Variants in SLC23A1 observed in about 807,000 individuals in gnomAD.
SLC23A1 encodes the protein Na(+)/L-ascorbic acid transporter 1.
Under a neutral mutation model 62.5 loss-of-function variants are expected in SLC23A1, and 31 were observed. The ratio of observed to expected loss-of-function variants is 0.50; its 90% confidence interval spans 0.37 to 0.67. The LOEUF (loss-of-function observed/expected upper bound fraction) is 0.67, where lower values mean the gene tolerates loss of function less well. SLC23A1 is among the 30% of genes least tolerant of loss of function. The pLI, the probability that SLC23A1 is intolerant of heterozygous loss-of-function variation, is 0.00. For missense variants in SLC23A1, 640 were observed against 782.7 expected (o/e 0.82, Z 2.18); for synonymous variants, 271 against 313.2 (o/e 0.87, Z 1.42).
rs566156627 is a variant in SLC23A1 at position 139,378,509 on chromosome 5, G to A, written c.1179+70C>T. The A allele has an allele frequency of 6.9e-6, 10 of 1,449,628 alleles. No individual in the cohort carries two copies. The highest frequency in any genetic ancestry group is 9.5e-6 in the Non-Finnish European group (10 of 1,056,468). 89.8% of individuals were successfully genotyped at this position (1,449,628 alleles called of 1,614,324 possible). On this transcript the variant is annotated intron_variant, in intron 10 of 14. Transcript: ENST00000348729. The surrounding 1 kb of genome is among the most constrained non-coding windows in gnomAD (Gnocchi z 4.5). ...ACAGGGTGGGGCTAAACCAAAGTGG[G>A]GACCGAGTTGGGGCGGGGCCTGCGG...
chr5:139,371,599 A>C (rs1014417211), intron 14 of SLC23A1, among the ~76,000 whole-genome samples: 2 of 152,220 alleles, frequency 1.3e-5, no homozygotes, highest in African/African-American at 4.8e-5. Context: ...GCATTTCTCA[A>C]CATTTTCCAT....
chr5:139,368,807 G>T, intron 14 of SLC23A1: 42 of 1,602,388 alleles, frequency 2.6e-5, no homozygotes, highest in Non-Finnish European at 3.5e-5. Flanking sequence ...GAGTAGACGG[G>T]GCCCTCTTTT....
intron 2 of SLC23A1, 57 bp from the exon 3 acceptor site, chr5:139,382,106 G>A (rs994226588): frequency 6.5e-7 from 1 of 1,533,922 alleles, no homozygotes. Flanking sequence ...TCCAGGGAGA[G>A]GGGACAACCT....
intron 2 of SLC23A1, 84 bp downstream of exon 2, chr5:139,382,408 C>A: frequency 2.6e-6 from 2 of 761,654 alleles, no homozygotes; most frequent in East Asian, 2.6e-5. Context: ...TCCTGTTACC[C>A]AAGATACTCC....
At chr5:139,375,107 T>C (rs1581359307) in intron 13 of SLC23A1, among the ~76,000 whole-genome samples, 1 of 152,190 alleles carries the variant, frequency 6.6e-6, no homozygotes, top group East Asian at 1.9e-4. Context: ...CTATGTTATG[T>C]GAACATGAAC....
rs369205849 is a variant in SLC23A1, at chr5:139,378,644, G to A, written c.1114C>T (p.Leu372=). The A allele has an allele frequency of 1.6e-4, 261 of 1,612,178 alleles. 1 individual carries two copies. The highest frequency in any genetic ancestry group is 3.3e-4 in the Admixed American group (20 of 59,742). ...TEGICCIIAG[L]LGTGNGSTSS... ...GTGGACCCGTTGCCCGTGCCCAATAGCCCCGCGATGATGCAGCAAATGCCT... is the reference window on the plus strand; with the variant it reads ...GTGGACCCGTTGCCCGTGCCCAATAACCCCGCGATGATGCAGCAAATGCCT... The change falls in exon 10 of 15, where the codon CTA becomes TTA. Residue 372 remains leucine, a synonymous_variant. Coordinates refer to ENST00000348729, the MANE Select transcript of SLC23A1 (RefSeq NM_005847.5). The surrounding 1 kb of genome is among the most constrained non-coding windows in gnomAD (Gnocchi z 4.5).
rs1758087613 is a variant in SLC23A1, at chr5:139,378,893, C to T, written c.1074-209G>A. 6.6e-6 allele frequency among the ~76,000 whole-genome samples: 1 copy of T among 152,170 alleles called. No individual in the cohort carries two copies. Among genetic ancestry groups the T allele is most frequent in the Non-Finnish European group, 1.5e-5 (1 of 68,024 alleles). On this transcript the variant is annotated intron_variant, in intron 9 of 14. Coordinates refer to ENST00000348729, the MANE Select transcript of SLC23A1 (RefSeq NM_005847.5). This position sits in a 1 kb window ranked among gnomAD's most constrained non-coding sequence, Gnocchi z 4.5. ...TGTGGGTAATTCTGGCCTTCAATTT[C>T]CTCCTGGGATAAATACCGGTGCCCG...
chr5:139,371,497 G>A (rs1171080619), intron 14 of SLC23A1, among the ~76,000 whole-genome samples: 1 of 152,186 alleles, frequency 6.6e-6, no homozygotes, highest in Non-Finnish European at 1.5e-5. Flanking sequence ...CATCGTTTTA[G>A]GATAAAGGCA....
At chr5:139,370,174 G>T (rs1378771822) in intron 14 of SLC23A1, among the ~76,000 whole-genome samples, 1 of 152,096 alleles carries the variant, frequency 6.6e-6, no homozygotes. Context: ...TGGTTGGTTG[G>T]TTGGTTGGTT....
intron 13 of SLC23A1, among the ~76,000 whole-genome samples, chr5:139,374,494 A>C (rs1467512294): frequency 6.6e-6 from 1 of 152,226 alleles, no homozygotes; most frequent in East Asian, 1.9e-4. Context: ...CATCCCCAGC[A>C]GGAAGTTAAG....
intron 12 of SLC23A1, 117 bp from the exon 13 acceptor site, chr5:139,377,614 A>G (rs998578318): frequency 3.0e-6 from 2 of 673,532 alleles, no homozygotes; most frequent in East Asian, 2.7e-5. Flanking sequence ...TCTCAAACCT[A>G]TCTCTGTCTT....
Position 139,381,976 on chromosome 5 carries a change from T to C in SLC23A1, c.224A>G (p.Asp75Gly). 1.2e-6 allele frequency: 2 copies of C among 1,600,448 alleles called. No homozygotes were observed. The highest frequency in any genetic ancestry group is 1.1e-5 in the South Asian group (1 of 88,590). ...GATGAGCTGACTAACCATGTGCTGGTCGTGGCCCACACACAGCGCCTCAGC... is the reference window on the plus strand; with the variant it reads ...GATGAGCTGACTAACCATGTGCTGGCCGTGGCCCACACACAGCGCCTCAGC... ...LLAEALCVGH[D>G]QHMVSQLIGT... Residue 75 changes from aspartate to glycine, a missense_variant, in exon 3 of 15, where the codon GAC becomes GGC. Physicochemically the swap from Asp to Gly is moderately conservative, Grantham distance 94. Transcript: ENST00000348729.
intron 13 of SLC23A1, among the ~76,000 whole-genome samples, chr5:139,374,257 TAAAGAC>T (rs1757833744): frequency 1.3e-5 from 2 of 152,040 alleles, no homozygotes. Flanking sequence ...TCTGGATAGG[TAAAGAC>T]AAAGAGCACC....
At chr5:139,383,524 G>C (rs1018364304), upstream of SLC23A1, among the ~76,000 whole-genome samples, 24 of 152,210 alleles carry the variant, frequency 1.6e-4, no homozygotes, top group Admixed American at 6.5e-4. Flanking sequence ...TCCCAAGAGA[G>C]GGCCAGAGTC....
chr5:139,378,262 G>T lies in SLC23A1; in HGVS notation c.1269C>A (p.Leu423=). The change falls in exon 11 of 15, where the codon CTC becomes CTA. Residue 423 remains leucine (L), a synonymous_variant. Coordinates refer to ENST00000348729, the MANE Select transcript of SLC23A1 (RefSeq NM_005847.5). This position sits in a 1 kb window ranked among gnomAD's most constrained non-coding sequence, Gnocchi z 4.5. ...ACATGCCCCCCAGGATGGGGTCAGG[G>T]AGCGAGGCGAAGAGGGCCGTGAACT... ...IGKFTALFAS[L]PDPILGGMFC... is the part of the protein sequence containing the mutation. 2 of 1,609,920 alleles carry T rather than the reference G, an allele frequency of 1.2e-6. No homozygotes were observed. The highest frequency in any genetic ancestry group is 1.7e-6 in the Non-Finnish European group (2 of 1,178,450).
At chr5:139,382,732 C>T in intron 1 of SLC23A1, 127 bp from the exon 2 acceptor site, 1 of 646,632 alleles carries the variant, frequency 1.5e-6, no homozygotes. Flanking sequence ...CCCGCCCTCC[C>T]CAACAGTCCA....
rs1365013541 is a variant in SLC23A1 at position 139,372,001 on chromosome 5, A to G, written c.*5T>C. The G allele has an allele frequency of 1.2e-6, 2 of 1,612,360 alleles. No homozygotes were observed. The highest frequency in any genetic ancestry group is 1.7e-6 in the Non-Finnish European group (2 of 1,178,876). ...ACACATCCTACCTTTCCTGGAAGTCATTTTTCAGACCTTGGTGCACACAGA... is the reference window on the plus strand; with the variant it reads ...ACACATCCTACCTTTCCTGGAAGTCGTTTTTCAGACCTTGGTGCACACAGA... On this transcript the variant is annotated 3_prime_UTR_variant, in exon 14 of 15. Transcript: ENST00000348729.
At chr5:139,368,402 G>A (rs1374781630) in intron 14 of SLC23A1, among the ~76,000 whole-genome samples, 4 of 152,020 alleles carry the variant, frequency 2.6e-5, no homozygotes, top group East Asian at 1.9e-4. Context: ...GGTGGCACGC[G>A]CCTGTAGTCC....
rs1757306853 is a variant in SLC23A1, at chr5:139,367,280, A to G, written c.*371T>C. ...ATTCAATGTAAAAGCCTTGCAGCAT[A>G]CCTACATTTCAGGCCCTGGAACCTG... On this transcript the variant is annotated 3_prime_UTR_variant, in exon 15 of 15. Transcript: ENST00000348729. 6.6e-6 allele frequency: 1 copy of G among 152,170 alleles called. No individual in the cohort carries two copies. The highest frequency in any genetic ancestry group is 6.5e-5 in the Admixed American group (1 of 15,272). 9.4% of individuals were successfully genotyped at this position (152,170 alleles called of 1,614,324 possible). A position where few individuals can be genotyped will look rare whatever the true frequency, so the allele number is the denominator to read the frequency against.
Sources: gnomAD v4.1 joint callset for allele counts (sites outside exome capture counted in the v4.1 genomes callset) on GRCh38, gnomAD v4.1.1 for gene constraint, Gnocchi (gnomAD v3.1) non-coding constraint, MANE v1.5 for transcripts, NCBI Gene and HGNC (gene_info 2026-07-23, HGNC 2026-07-21) for gene names.